The following SHISA9 variants were observed in gnomAD, a reference collection of about 807,000 sequenced individuals.
The protein encoded by SHISA9 is shisa family member 9.
SHISA9 carries 13 observed loss-of-function variants against 38.0 expected under a neutral mutation model. The ratio of observed to expected loss-of-function variants is 0.34; its 90% CI spans 0.22 to 0.54. The LOEUF (loss-of-function observed/expected upper bound fraction) is 0.54. SHISA9 is among the 20% of genes least tolerant of loss of function. The probability of loss-of-function intolerance (pLI) is 0.91; values close to 1 mark genes in which losing one functional copy is unlikely to be tolerated. For missense variants in SHISA9, 538 were observed against 575.8 expected (o/e 0.93, Z 0.67); for synonymous variants, 275 against 242.0 (o/e 1.14, Z -1.27).
the SHISA9 span, among the ~76,000 whole-genome samples, chr16:13,497,121 TTTG>T: frequency 6.6e-6 from 1 of 152,196 alleles, no homozygotes; most frequent in African/African-American, 2.4e-5. Flanking sequence ...TATTACAATT[TTTG>T]TTGTTATTCA....
intron 2 of SHISA9, among the ~76,000 whole-genome samples, chr16:13,125,277 A>C (rs28620574): frequency 0.13 from 19,572 of 152,226 alleles, 1,709 homozygotes; most frequent in East Asian, 0.25. Context: ...TAGGAATAAA[A>C]CTAATAATCT....
At chr16:13,281,707 A>T in the SHISA9 span, among the ~76,000 whole-genome samples, 1 of 151,548 alleles carries the variant, frequency 6.6e-6, no homozygotes, top group Admixed American at 6.6e-5. Context: ...TTTGTAAACC[A>T]ATTAGAGTTT....
chr16:12,967,970 A>G (rs1200396565), intron 2 of SHISA9, among the ~76,000 whole-genome samples: 1 of 152,074 alleles, frequency 6.6e-6, no homozygotes, highest in East Asian at 1.9e-4. Context: ...CAGGTAGATC[A>G]CCTTAGGTCA....
At chr16:13,285,057 T>G in the SHISA9 span, among the ~76,000 whole-genome samples, 1 of 152,178 alleles carries the variant, frequency 6.6e-6, no homozygotes, top group Admixed American at 6.5e-5. Context: ...TTGGTATTCA[T>G]GGATAGCCTT....
the SHISA9 span, among the ~76,000 whole-genome samples, chr16:13,505,288 T>TAA: frequency 6.6e-6 from 1 of 152,320 alleles, no homozygotes; most frequent in East Asian, 1.9e-4. Context: ...AGAAGCTTTT[T>TAA]GTGGCTCTGC....
rs577413372 is a variant in SHISA9, at chr16:13,185,594, T to C, written c.692-17800T>C. Among the ~76,000 whole-genome samples, 8 of 152,344 alleles carry C rather than the reference T, an allele frequency of 5.3e-5. No homozygotes were observed. The East Asian group carries it at 1.5e-3, about 29-fold the overall frequency. On this transcript the variant is annotated intron_variant, in intron 2 of 4. Coordinates refer to ENST00000558583, the MANE Select transcript of SHISA9 (RefSeq NM_001145204.3). ...CCCAATTTGAAACAGATGTTGCCTC[T>C]AATCTCTCTTTGTACCTGCTTTTTA...
At chr16:13,432,448 C>G in the SHISA9 span, among the ~76,000 whole-genome samples, 3 of 152,160 alleles carry the variant, frequency 2.0e-5, no homozygotes, top group Non-Finnish European at 2.9e-5. Context: ...TGAAATGATT[C>G]AAACGGAGGG....
At chr16:13,169,935 G>A (rs997068593) in intron 2 of SHISA9, among the ~76,000 whole-genome samples, 3 of 152,182 alleles carry the variant, frequency 2.0e-5, no homozygotes, top group African/African-American at 4.8e-5. Flanking sequence ...GGGTGCGGTG[G>A]CTCATCCCTA....
At chr16:13,142,349 C>T (rs772321728) in intron 2 of SHISA9, among the ~76,000 whole-genome samples, 7 of 152,174 alleles carry the variant, frequency 4.6e-5, no homozygotes, top group East Asian at 1.9e-4. Flanking sequence ...TTGAGTTCCC[C>T]GAACTATATT....
At chr16:13,398,655 CA>C in the SHISA9 span, among the ~76,000 whole-genome samples, 1 of 151,964 alleles carries the variant, frequency 6.6e-6, no homozygotes, top group Non-Finnish European at 1.5e-5. Context: ...GAATTACAAG[CA>C]CCTGCCACCA....
At chr16:13,332,153 G>T in the SHISA9 span, among the ~76,000 whole-genome samples, 2 of 152,168 alleles carry the variant, frequency 1.3e-5, no homozygotes, top group East Asian at 3.9e-4. Flanking sequence ...CCCTCTGCTG[G>T]TATACTGGAG....
chr16:13,359,892 A>G, the SHISA9 span, among the ~76,000 whole-genome samples: 17 of 152,196 alleles, frequency 1.1e-4, no homozygotes, highest in Non-Finnish European at 1.9e-4. Flanking sequence ...GGATGCTAGA[A>G]GCCTAGGATT....
downstream of SHISA9, among the ~76,000 whole-genome samples, chr16:13,244,051 C>T (rs1017159552): frequency 1.3e-5 from 2 of 151,968 alleles, no homozygotes; most frequent in South Asian, 4.2e-4. Context: ...GATTACAGGC[C>T]TGAGCCACCA....
chr16:13,021,480 C>T (rs557001843), intron 2 of SHISA9, among the ~76,000 whole-genome samples: 1 of 152,210 alleles, frequency 6.6e-6, no homozygotes, highest in South Asian at 2.1e-4. Flanking sequence ...GGGAGAGGGG[C>T]TTGGCTTCTG....
chr16:13,039,797 C>T (rs1183679510), intron 2 of SHISA9, among the ~76,000 whole-genome samples: 3 of 152,130 alleles, frequency 2.0e-5, no homozygotes, highest in African/African-American at 7.2e-5. Flanking sequence ...AAGGAAGGAA[C>T]ACGAGGGTTC....
chr16:13,496,385 AC>A, the SHISA9 span, among the ~76,000 whole-genome samples: 1 of 152,144 alleles, frequency 6.6e-6, no homozygotes, highest in African/African-American at 2.4e-5. Context: ...TGATAACTCA[AC>A]CGTCATAACT....
chr16:13,542,732 A>G, the SHISA9 span, among the ~76,000 whole-genome samples: 5 of 152,236 alleles, frequency 3.3e-5, no homozygotes, highest in Non-Finnish European at 7.3e-5. Flanking sequence ...CGCTTAAATC[A>G]AAATAAGCAA....
At chr16:13,407,367 A>G in the SHISA9 span, among the ~76,000 whole-genome samples, 1 of 152,134 alleles carries the variant, frequency 6.6e-6, no homozygotes, top group Non-Finnish European at 1.5e-5. Flanking sequence ...CACGTGGTGG[A>G]AGAGGCAAGG....
chr16:13,177,736 C>G (rs1306304638), intron 2 of SHISA9, among the ~76,000 whole-genome samples: 1 of 152,140 alleles, frequency 6.6e-6, no homozygotes, highest in Non-Finnish European at 1.5e-5. Flanking sequence ...ATGGCGCAGT[C>G]TAGGCTCACT....
Sources: allele counts gnomAD v4.1 joint callset (sites outside exome capture counted in the v4.1 genomes callset), GRCh38; gene constraint gnomAD v4.1.1; transcripts MANE v1.5; gene names NCBI Gene and HGNC (gene_info 2026-07-23, HGNC 2026-07-21).